Variants in LRP8 observed in about 807,000 individuals in gnomAD.
LRP8 encodes low-density lipoprotein receptor-related protein 8.
A neutral mutation model predicts 111.6 loss-of-function variants in LRP8; 46 were observed. The ratio of observed to expected loss-of-function variants is 0.41; its 90% CI spans 0.33 to 0.53. The LOEUF is 0.53. LRP8 is among the 20% of genes least tolerant of loss of function. The probability of loss-of-function intolerance (pLI) is 0.20; values close to 1 mark genes in which losing one functional copy is unlikely to be tolerated. For missense variants in LRP8, 959 were observed against 1,297.4 expected, an observed-to-expected ratio of 0.74 and a Z score of 4.01; for synonymous variants, 464 against 511.2, an observed-to-expected ratio of 0.91 and a Z score of 1.24.
At chr1:53,257,716 T>G (rs576616430) in intron 14 of LRP8, among the ~76,000 whole-genome samples, 1 of 152,326 alleles carries the variant, frequency 6.6e-6, no homozygotes, top group Admixed American at 6.5e-5. Flanking sequence ...ATAAAAAGAC[T>G]GTAGGGAGGG....
At chr1:53,286,357 A>G (rs982820754) in intron 3 of LRP8, among the ~76,000 whole-genome samples, 57 of 152,336 alleles carry the variant, frequency 3.7e-4, no homozygotes, top group African/African-American at 1.3e-3. Context: ...TCTGATCTAT[A>G]ATAGCAAGAT....
In LRP8 at chr1:53,250,884, C is replaced by T. The variant is rs1341316348; in HGVS notation, c.2504-22G>A. 3 of 1,612,414 alleles carry T rather than the reference C, an allele frequency of 1.9e-6. No individual in the cohort carries two copies. In the South Asian group the frequency reaches 3.3e-5, roughly 18 times the overall value. ...ACCACTGGAGGAAGGACACAGGACA[C>T]TGGACCTCCAGCAGGCTCCAACCCA... On this transcript the variant is annotated intron_variant, in intron 16 of 18. Coordinates refer to ENST00000306052, the MANE Select transcript of LRP8 (RefSeq NM_004631.5). This position sits in a 1 kb window ranked among gnomAD's most constrained non-coding sequence, Gnocchi z 4.6.
chr1:53,255,653 A>G (rs1400287030), intron 15 of LRP8, among the ~76,000 whole-genome samples: 2 of 152,134 alleles, frequency 1.3e-5, no homozygotes. Context: ...ATTATTTTTC[A>G]TAAGTAATTG....
rs565249232 is a variant in LRP8 at position 53,248,256 on chromosome 1, G to GT, written c.2853+1123dup. ...TCAAGTCATCTTTGGGTTATCTGTA[G>GT]TTTTTTTATGAATGCAATGGCCATC... is the stretch of plus-strand genomic sequence containing the variant. On this transcript the variant is annotated intron_variant, in intron 18 of 18. Coordinates refer to ENST00000306052, the MANE Select transcript of LRP8 (RefSeq NM_004631.5). 2.6e-3 allele frequency among the ~76,000 whole-genome samples: 390 copies of GT among 152,278 alleles called. 2 individuals are homozygous for GT. Among genetic ancestry groups the GT allele is most frequent in the African/African-American group, 8.9e-3 (370 of 41,566 alleles).
chr1:53,251,998 T>C (rs1223275070), intron 16 of LRP8, among the ~76,000 whole-genome samples: 6 of 144,410 alleles, frequency 4.2e-5, no homozygotes, highest in Non-Finnish European at 7.5e-5. Flanking sequence ...GCCACAATCA[T>C]GCCACTGCAC....
At chr1:53,316,998 C>T (rs1653896734) in intron 2 of LRP8, among the ~76,000 whole-genome samples, 1 of 152,112 alleles carries the variant, frequency 6.6e-6, no homozygotes, top group African/African-American at 2.4e-5. Flanking sequence ...GTCATCTTGG[C>T]CCCATAGCCT....
Position 53,243,962 on chromosome 1 carries a change from G to A in LRP8, c.*3056C>T, listed in dbSNP as rs1428757124. On this transcript the variant is annotated 3_prime_UTR_variant, in exon 19 of 19. Coordinates refer to ENST00000306052, the MANE Select transcript of LRP8 (RefSeq NM_004631.5). Reference sequence around the variant, plus strand: ...CATCTGCAGTGCCAGGTGTGTAGTTGGTATCTAGTGAGTGGTTTTAGTGAA... The same window carrying A: ...CATCTGCAGTGCCAGGTGTGTAGTTAGTATCTAGTGAGTGGTTTTAGTGAA... 1 of 152,080 alleles carries A rather than the reference G, an allele frequency of 6.6e-6. No homozygotes were observed. Among genetic ancestry groups the A allele is most frequent in the Non-Finnish European group, 1.5e-5 (1 of 68,022 alleles). The allele number at this position is 152,080 out of a possible 1,614,324, so 9.4% of individuals were successfully genotyped here. A position where few individuals can be genotyped will look rare whatever the true frequency, so the allele number is the denominator to read the frequency against.
chr1:53,296,459 G>T (rs1270533238), intron 2 of LRP8, among the ~76,000 whole-genome samples: 6 of 152,216 alleles, frequency 3.9e-5, no homozygotes, highest in African/African-American at 1.4e-4. Flanking sequence ...AGGCAGTTGG[G>T]CCACTTGTAC....
At chr1:53,323,516 C>T (rs753872640) in intron 2 of LRP8, among the ~76,000 whole-genome samples, 53 of 152,278 alleles carry the variant, frequency 3.5e-4, no homozygotes, top group Non-Finnish European at 5.4e-4. Flanking sequence ...GCCTACGTGA[C>T]CCAGGCCCAC....
At chr1:53,261,976 T>C (rs1646356348) in intron 12 of LRP8, 92 bp downstream of exon 12, 3 of 1,451,114 alleles carry the variant, frequency 2.1e-6, no homozygotes, top group Admixed American at 2.1e-5. Flanking sequence ...CTGTTTTCAT[T>C]TGAACAAGTC....
In LRP8 at chr1:53,294,420, A is replaced by G. The variant is rs1557822908; in HGVS notation, c.245-4731T>C. Among the ~76,000 whole-genome samples, 1 of 152,212 alleles carries G rather than the reference A, an allele frequency of 6.6e-6. No individual in the cohort carries two copies. On this transcript the variant is annotated intron_variant, in intron 2 of 18. Transcript: ENST00000306052. The surrounding 1 kb of genome is among the most constrained non-coding windows in gnomAD (Gnocchi z 4.1). ...ACACGGGCCAAGGAAAGTGCCAGACAGTCCATGGTCTATCAAACTGCGCCC... is the reference window on the plus strand; with the variant it reads ...ACACGGGCCAAGGAAAGTGCCAGACGGTCCATGGTCTATCAAACTGCGCCC...
At chr1:53,326,637 C>T (rs1032705147) in intron 2 of LRP8, among the ~76,000 whole-genome samples, 3 of 152,208 alleles carry the variant, frequency 2.0e-5, no homozygotes, top group African/African-American at 7.2e-5. Context: ...GGCACACTGC[C>T]CGGGGCTCCG....
rs1646398001 is a variant in LRP8, at chr1:53,262,877, C to T, written c.1656-313G>A. On this transcript the variant is annotated intron_variant, in intron 10 of 18. Coordinates refer to ENST00000306052, the MANE Select transcript of LRP8 (RefSeq NM_004631.5). The surrounding 1 kb of genome is among the most constrained non-coding windows in gnomAD (Gnocchi z 4.8). ...CCTAGGGTGTCAGTGTGGGGAAGGC[C>T]CTAGTAAGCCCTCTCTTTTCTGGTT... 6.6e-6 allele frequency among the ~76,000 whole-genome samples: 1 copy of T among 152,102 alleles called. No homozygotes were observed. The highest frequency in any genetic ancestry group is 2.4e-5 in the African/African-American group (1 of 41,416).
chr1:53,326,489 AAC>A (rs1379827467), intron 2 of LRP8, among the ~76,000 whole-genome samples: 1 of 152,170 alleles, frequency 6.6e-6, no homozygotes, highest in Non-Finnish European at 1.5e-5. Flanking sequence ...GGAACTTTGA[AAC>A]ACGCGCGCGT....
Position 53,246,699 on chromosome 1 carries a change from C to A in LRP8, c.*319G>T. 3.0e-6 allele frequency: 1 copy of A among 335,734 alleles called. No homozygotes were observed. The highest frequency in any genetic ancestry group is 5.4e-6 in the Non-Finnish European group (1 of 184,384). 20.8% of individuals were successfully genotyped at this position (335,734 alleles called of 1,614,324 possible). A position where few individuals can be genotyped will look rare whatever the true frequency, so the allele number is the denominator to read the frequency against. ...TAGTTTTTAAATGATGAGTAAGGTA[C>A]TGTGCCATTGGCCCCCATTTGGTTA... On this transcript the variant is annotated 3_prime_UTR_variant, in exon 19 of 19. Transcript: ENST00000306052.
Position 53,258,387 on chromosome 1 carries a change from G to C in LRP8, c.2141C>G (p.Ser714Cys), listed in dbSNP as rs1646187611. The change falls in exon 14 of 19, where the codon TCT (serine) becomes TGT (cysteine). Residue 714 changes from serine (S) to cysteine (C), a missense_variant. Coordinates refer to ENST00000306052, the MANE Select transcript of LRP8 (RefSeq NM_004631.5). ...AGGACAGGCACATGTGTACTTGGGA[G>C]AGTGGCTGGAGATCTGAGGAGCAGG... ...CLPAPQISSH[S>C]PKYTCACPDT... is the part of the protein sequence containing the mutation. 6.2e-7 allele frequency: 1 copy of C among 1,614,152 alleles called. No individual in the cohort carries two copies. Among genetic ancestry groups the C allele is most frequent in the East Asian group, 2.2e-5 (1 of 44,878 alleles).
intron 2 of LRP8, among the ~76,000 whole-genome samples, chr1:53,308,731 G>C (rs944125787): frequency 6.6e-6 from 1 of 152,186 alleles, no homozygotes; most frequent in Non-Finnish European, 1.5e-5. Context: ...GGGGCTGGAG[G>C]CTTGCAGGAG....
rs74260654 is a variant in LRP8, at chr1:53,246,551, G to GT, written c.*466dup. 1,259 of 125,892 alleles carry GT rather than the reference G, an allele frequency of 0.01. 9 individuals carry two copies. The highest frequency in any genetic ancestry group is 0.012 in the African/African-American group (404 of 34,558). 7.8% of individuals were successfully genotyped at this position (125,892 alleles called of 1,614,324 possible). A position where few individuals can be genotyped will look rare whatever the true frequency, so the allele number is the denominator to read the frequency against. On this transcript the variant is annotated 3_prime_UTR_variant, in exon 19 of 19. Coordinates refer to ENST00000306052, the MANE Select transcript of LRP8 (RefSeq NM_004631.5). ...TCTAAATGGGGGAGGGAGTTGAAGTGTTTTTTTTTTTTTTTTACTTATGTT... is the reference window on the plus strand; with the variant it reads ...TCTAAATGGGGGAGGGAGTTGAAGTGTTTTTTTTTTTTTTTTTACTTATGTT...
chr1:53,264,621 C>G (rs1246946780), intron 9 of LRP8, among the ~76,000 whole-genome samples: 1 of 152,194 alleles, frequency 6.6e-6, no homozygotes. Context: ...CTCCACAGCT[C>G]TGCCCATTAG....
Sources: allele counts gnomAD v4.1 joint callset (sites outside exome capture counted in the v4.1 genomes callset), GRCh38; gene constraint gnomAD v4.1.1; non-coding constraint Gnocchi (gnomAD v3.1); transcripts MANE v1.5; gene names NCBI Gene and HGNC (gene_info 2026-07-23, HGNC 2026-07-21).